Variants in SLC9C1 observed in about 807,000 individuals in gnomAD.
The protein encoded by SLC9C1 is solute carrier family 9 member C1, also known as sodium/hydrogen exchanger 10.
SLC9C1 carries 97 observed loss-of-function variants against 140.9 expected under a neutral mutation model. That is an observed-to-expected ratio of 0.69 (90% CI 0.58 to 0.82). The LOEUF is 0.82. Among genes scored for constraint, SLC9C1 ranks in the 40% least tolerant of loss-of-function variants. SLC9C1 has a pLI of 0.00. For missense variants in SLC9C1, 1,340 were observed against 1,389.3 expected, an observed-to-expected ratio of 0.96 and a Z score of 0.56; for synonymous variants, 440 against 442.6, an observed-to-expected ratio of 0.99 and a Z score of 0.07.
intron 1 of SLC9C1, among the ~76,000 whole-genome samples, chr3:112,293,058 C>T (rs960874920): frequency 6.9e-6 from 1 of 145,290 alleles, no homozygotes; most frequent in African/African-American, 2.6e-5. Context: ...CACTTGAGAT[C>T]AGGAGTTCGA....
At chr3:112,259,164 A>G (rs1008207916) in intron 10 of SLC9C1, among the ~76,000 whole-genome samples, 1 of 152,184 alleles carries the variant, frequency 6.6e-6, no homozygotes, top group Non-Finnish European at 1.5e-5. Context: ...ACAGAGCTGG[A>G]GGCCATTATC....
chr3:112,151,102 C>T (rs2074965415), intron 28 of SLC9C1, among the ~76,000 whole-genome samples: 2 of 151,920 alleles, frequency 1.3e-5, no homozygotes, highest in Admixed American at 6.6e-5. Flanking sequence ...TATCAAAGTG[C>T]TGGGATTACA....
intron 28 of SLC9C1, among the ~76,000 whole-genome samples, chr3:112,149,721 AGGGTTGCATGGCT>A (rs2074904091): frequency 6.6e-6 from 1 of 152,064 alleles, no homozygotes; most frequent in Admixed American, 6.5e-5. Flanking sequence ...ATGTCCAGAA[AGGGTTGCATGGCT>A]CAAGCTGCTG....
chr3:112,284,985 CTTTTTTT>C (rs61428176), intron 2 of SLC9C1, among the ~76,000 whole-genome samples: 1 of 103,864 alleles, frequency 9.6e-6, no homozygotes, highest in Non-Finnish European at 1.8e-5. Context: ...TACAATTTTT[CTTTTTTT>C]TTTTTTTTTT....
intron 28 of SLC9C1, among the ~76,000 whole-genome samples, chr3:112,149,466 A>C (rs2074896546): frequency 6.6e-6 from 1 of 151,256 alleles, no homozygotes; most frequent in Admixed American, 6.6e-5. Flanking sequence ...GAGTAGAGAG[A>C]GCCCTGCTAT....
chr3:112,263,980 G>T (rs1047860696), intron 9 of SLC9C1, among the ~76,000 whole-genome samples: 1 of 151,602 alleles, frequency 6.6e-6, no homozygotes, highest in Non-Finnish European at 1.5e-5. Context: ...TATGTCAAAT[G>T]TTGAGTTTTT....
chr3:112,285,250 T>G (rs1011307802), intron 2 of SLC9C1, among the ~76,000 whole-genome samples: 1 of 152,108 alleles, frequency 6.6e-6, no homozygotes. Flanking sequence ...GGAGAGGTTT[T>G]TGTTTTGAGA....
At chr3:112,157,399 C>T (rs1305143769) in intron 26 of SLC9C1, among the ~76,000 whole-genome samples, 2 of 152,084 alleles carry the variant, frequency 1.3e-5, no homozygotes, top group Non-Finnish European at 2.9e-5. Flanking sequence ...TATGCCAGCA[C>T]CATGCTATTT....
intron 12 of SLC9C1, among the ~76,000 whole-genome samples, chr3:112,236,263 G>A (rs2078983203): frequency 6.6e-6 from 1 of 152,176 alleles, no homozygotes; most frequent in South Asian, 2.1e-4. Context: ...GTGTAGAGGT[G>A]TTTATGGTAT....
At chr3:112,219,528 T>C (rs1172739106) in intron 14 of SLC9C1, among the ~76,000 whole-genome samples, 1 of 152,172 alleles carries the variant, frequency 6.6e-6, no homozygotes, top group Non-Finnish European at 1.5e-5. Context: ...TTGGGGAACA[T>C]TTAAAGAGAA....
chr3:112,285,116 A>G (rs1253653461), intron 2 of SLC9C1, among the ~76,000 whole-genome samples: 2 of 150,538 alleles, frequency 1.3e-5, no homozygotes, highest in Non-Finnish European at 2.9e-5. Context: ...CCTTCTGAGT[A>G]GCTGGGACTA....
intron 26 of SLC9C1, among the ~76,000 whole-genome samples, chr3:112,159,255 C>T (rs2075217139): frequency 6.6e-6 from 1 of 151,468 alleles, no homozygotes; most frequent in Non-Finnish European, 1.5e-5. Context: ...CTAAATTGAC[C>T]CATTGGTCAT....
chr3:112,245,537 T>A (rs13100724), intron 10 of SLC9C1, among the ~76,000 whole-genome samples: 87,427 of 149,846 alleles, frequency 0.58, 25,690 homozygotes, highest in East Asian at 0.79. Flanking sequence ...CAATTCACCA[T>A]ATATGTGAGT....
rs185458573 is a variant in SLC9C1 at position 112,230,059 on chromosome 3, G to A, written c.1572+1302C>T. Among the ~76,000 whole-genome samples the A allele has an allele frequency of 7.2e-5, 11 of 152,206 alleles. No homozygotes were observed. The East Asian group carries it at 7.7e-4, about 11-fold the overall frequency. ...TGTGCTTTCTAAGGAAGCAATTGTT[G>A]TGGCTTAAAGAAGCCATGGTTGGCT... On this transcript the variant is annotated intron_variant, in intron 13 of 28. Transcript: ENST00000305815.
intron 19 of SLC9C1, among the ~76,000 whole-genome samples, 154 bp from the exon 20 acceptor site, chr3:112,199,623 A>G (rs2077855731): frequency 6.6e-6 from 1 of 152,094 alleles, no homozygotes; most frequent in Non-Finnish European, 1.5e-5. Flanking sequence ...ATGATCAATC[A>G]TAATTCACTA....
At chr3:112,242,992 G>C (rs1466129371) in intron 11 of SLC9C1, among the ~76,000 whole-genome samples, 5 of 152,130 alleles carry the variant, frequency 3.3e-5, no homozygotes, top group Non-Finnish European at 5.9e-5. Context: ...AGTTAGAATG[G>C]TTATTATTAA....
chr3:112,202,356 C>G lies in SLC9C1; in HGVS notation c.2216G>C (p.Ser739Thr), dbSNP rs1156986827. ...KLLQIIDKRM[S>T]HQKTFWYGIL... ...TCCATACCAAAAGGTCTTCTGATGA[C>G]TCATTCTTTTATCTATTATTTGCAG... Residue 739 changes from serine to threonine, a missense_variant, in exon 18 of 29, where the codon AGT becomes ACT. Ser to Thr is a moderately conservative substitution (Grantham distance 58, BLOSUM62 1). Coordinates refer to ENST00000305815, the MANE Select transcript of SLC9C1 (RefSeq NM_183061.3). 1.9e-6 allele frequency: 3 copies of G among 1,607,568 alleles called. No individual in the cohort carries two copies. The South Asian group carries it at 3.4e-5, about 18-fold the overall frequency.
intron 14 of SLC9C1, among the ~76,000 whole-genome samples, chr3:112,218,359 T>C (rs2078444996): frequency 6.6e-6 from 1 of 152,140 alleles, no homozygotes. Context: ...TGTGGCTTAA[T>C]GGAAGGGCAT....
chr3:112,274,960 TTAA>T lies in SLC9C1; in HGVS notation c.547_549del (p.Leu183del), dbSNP rs1447127964. On this transcript the variant is annotated inframe_deletion, in exon 6 of 29. Coordinates refer to ENST00000305815, the MANE Select transcript of SLC9C1 (RefSeq NM_183061.3). ...AAATCCATAATACTAGTAAATGTAATTAATGATATAACAGAGGTCATCAGACTT... is the reference window on the plus strand; with the variant it reads ...AAATCCATAATACTAGTAAATGTAATTGATATAACAGAGGTCATCAGACTT... 1 of 1,580,444 alleles carries T rather than the reference TTAA, an allele frequency of 6.3e-7. No individual in the cohort carries two copies. The highest frequency in any genetic ancestry group is 1.9e-5 in the Admixed American group (1 of 52,376).
Sources: allele counts gnomAD v4.1 joint callset (sites outside exome capture counted in the v4.1 genomes callset), GRCh38; gene constraint gnomAD v4.1.1; transcripts MANE v1.5; gene names NCBI Gene and HGNC (gene_info 2026-07-23, HGNC 2026-07-21).